The following EFCAB7 variants were observed in gnomAD, a reference collection of about 807,000 sequenced individuals.
EFCAB7 encodes EF-hand calcium-binding domain-containing protein 7.
A neutral mutation model predicts 77.1 loss-of-function variants in EFCAB7; 66 were observed. That is an observed-to-expected ratio of 0.86 (90% CI 0.70 to 1.05). The LOEUF is 1.05. EFCAB7 is among the 50% of genes least tolerant of loss of function. EFCAB7 has a pLI of 0.00. For missense variants in EFCAB7, 638 were observed against 730.5 expected, an observed-to-expected ratio of 0.87 and a Z score of 1.46; for synonymous variants, 225 against 243.3, an observed-to-expected ratio of 0.92 and a Z score of 0.70.
chr1:63,559,301 CAAAAAAAAAA>C (rs71052490), intron 10 of EFCAB7, among the ~76,000 whole-genome samples: 1 of 62,234 alleles, frequency 1.6e-5, no homozygotes, highest in East Asian at 4.9e-4. Context: ...GACTCTGTCT[CAAAAAAAAAA>C]AAAAAAAAAA....
At chr1:63,545,872 C>A (rs1185380841) in intron 6 of EFCAB7, 44 bp from the exon 7 acceptor site, 13 of 1,549,012 alleles carry the variant, frequency 8.4e-6, no homozygotes, top group Admixed American at 1.7e-5. Flanking sequence ...ATACTGGAAA[C>A]ATTTAATAAA....
rs1231158191 is a variant in EFCAB7 at position 63,571,105 on chromosome 1, G to C, written c.1792G>C (p.Glu598Gln). The change falls in exon 13 of 14, where the codon GAA (glutamate) becomes CAA (glutamine). Residue 598 changes from glutamate (E) to glutamine (Q), a missense_variant. Transcript: ENST00000371088. ...NNRGLNIFAV[E>Q]VGPKSTMVCQ... ...CAGAGGACTCAACATATTTGCAGTA[G>C]AAGTGGGACCCAAATCTACAATGGT... The C allele has an allele frequency of 6.2e-7, 1 of 1,610,116 alleles. No individual in the cohort carries two copies.
chr1:63,547,498 G>C (rs1646913354), intron 7 of EFCAB7: 1 of 152,116 alleles, frequency 6.6e-6, no homozygotes, highest in South Asian at 2.1e-4. Context: ...CCATTGAAAT[G>C]GAGTGGTTAG....
intron 6 of EFCAB7, 163 bp downstream of exon 6, chr1:63,534,379 A>T (rs550724524): frequency 3.8e-6 from 2 of 525,538 alleles, no homozygotes; most frequent in Non-Finnish European, 6.4e-6. Flanking sequence ...CTTTTAAATT[A>T]AAAATGATGA....
At chr1:63,550,390 C>G (rs1646950728) in intron 7 of EFCAB7, 1 of 152,034 alleles carries the variant, frequency 6.6e-6, no homozygotes, top group African/African-American at 2.4e-5. Context: ...ATGATTATAA[C>G]TATACAGTAG....
intron 8 of EFCAB7, among the ~76,000 whole-genome samples, chr1:63,553,888 T>A (rs1646996160): frequency 6.6e-6 from 1 of 152,208 alleles, no homozygotes; most frequent in Non-Finnish European, 1.5e-5. Context: ...CTGCCCAGGC[T>A]GGAGTGCAGT....
chr1:63,544,254 G>A (rs1275732940), intron 6 of EFCAB7, among the ~76,000 whole-genome samples: 1 of 152,080 alleles, frequency 6.6e-6, no homozygotes, highest in Non-Finnish European at 1.5e-5. Flanking sequence ...ACAGGTGTGA[G>A]CCACTGTGGC....
At chr1:63,558,362 T>C (rs1647054788) in intron 10 of EFCAB7, among the ~76,000 whole-genome samples, 1 of 152,206 alleles carries the variant, frequency 6.6e-6, no homozygotes, top group Non-Finnish European at 1.5e-5. Flanking sequence ...TAGCTTACCA[T>C]CTACCATGTA....
At chr1:63,578,692 C>T in the EFCAB7 span, among the ~76,000 whole-genome samples, 2 of 152,028 alleles carry the variant, frequency 1.3e-5, no homozygotes, top group East Asian at 1.9e-4. Context: ...CTGCCCGCCT[C>T]GGCCTCCCAA....
intron 9 of EFCAB7, 21 bp from the exon 10 acceptor site, chr1:63,557,093 T>C (rs1424291174): frequency 1.3e-6 from 2 of 1,520,060 alleles, no homozygotes; most frequent in African/African-American, 2.9e-5. Context: ...AAGAAATAAC[T>C]AGCTATTTTT....
intron 10 of EFCAB7, among the ~76,000 whole-genome samples, chr1:63,558,645 T>C (rs1260716851): frequency 6.6e-6 from 1 of 152,218 alleles, no homozygotes; most frequent in Non-Finnish European, 1.5e-5. Context: ...GTTTTAATGT[T>C]TCCCCTGAAT....
intron 8 of EFCAB7, among the ~76,000 whole-genome samples, chr1:63,554,042 C>G (rs571796249): frequency 1.3e-5 from 2 of 152,162 alleles, no homozygotes; most frequent in South Asian, 2.1e-4. Context: ...AGGCTGGTCT[C>G]CAATTCCTAG....
At chr1:63,553,257 G>A (rs1350021604) in intron 8 of EFCAB7, among the ~76,000 whole-genome samples, 2 of 152,156 alleles carry the variant, frequency 1.3e-5, no homozygotes, top group Non-Finnish European at 2.9e-5. Flanking sequence ...GCAAGATCTG[G>A]TTTTTCACTC....
chr1:63,525,359 T>G (rs569142230), intron 1 of EFCAB7, among the ~76,000 whole-genome samples: 14 of 152,280 alleles, frequency 9.2e-5, no homozygotes, highest in Non-Finnish European at 1.9e-4. Context: ...AGGCTTATTC[T>G]TGTTTAATAT....
intron 11 of EFCAB7, among the ~76,000 whole-genome samples, chr1:63,562,449 T>TTA (rs869302346): frequency 0.039 from 868 of 22,186 alleles, 8 homozygotes; most frequent in Non-Finnish European, 0.048. Flanking sequence ...CTTAATTTAT[T>TTA]TATATATATA....
chr1:63,560,928 T>A (rs780697792), intron 10 of EFCAB7, among the ~76,000 whole-genome samples: 9 of 152,252 alleles, frequency 5.9e-5, no homozygotes, highest in Non-Finnish European at 1.2e-4. Context: ...CAAATAAGAC[T>A]ACCCATTTCC....
the EFCAB7 span, among the ~76,000 whole-genome samples, chr1:63,579,192 C>A: frequency 6.6e-6 from 1 of 152,232 alleles, no homozygotes; most frequent in South Asian, 2.1e-4. Context: ...AACTCCCTCA[C>A]GTTATTTCTT....
At position 63,561,844 on chromosome 1, in the gene EFCAB7, T is replaced by C; in HGVS notation, c.1484T>C (p.Leu495Pro). 1.3e-6 allele frequency: 2 copies of C among 1,575,616 alleles called. No individual in the cohort carries two copies. Among genetic ancestry groups the C allele is most frequent in the Non-Finnish European group, 1.7e-6 (2 of 1,161,384 alleles). ...CACTCTATGGGCTACAATAAAGCTCTGGAGTTGACAGAGGTAAAGTATTCT... is the reference window on the plus strand; with the variant it reads ...CACTCTATGGGCTACAATAAAGCTCCGGAGTTGACAGAGGTAAAGTATTCT... ...TLHSMGYNKA[L>P]ELTEACPFVI... Residue 495 changes from leucine to proline, a missense_variant, in exon 11 of 14, where the codon CTG becomes CCG. Physicochemically the swap from Leu to Pro is moderately conservative, Grantham distance 98. Coordinates refer to ENST00000371088, the MANE Select transcript of EFCAB7 (RefSeq NM_032437.4).
intron 6 of EFCAB7, among the ~76,000 whole-genome samples, chr1:63,535,799 G>A (rs567414524): frequency 6.6e-6 from 1 of 151,998 alleles, no homozygotes; most frequent in African/African-American, 2.4e-5. Context: ...TATTATTATA[G>A]AACGAAGAAA....
Sources: allele counts gnomAD v4.1 joint callset (sites outside exome capture counted in the v4.1 genomes callset), GRCh38; gene constraint gnomAD v4.1.1; transcripts MANE v1.5; gene names NCBI Gene and HGNC (gene_info 2026-07-23, HGNC 2026-07-21).